The following ADAM32 variants were observed in gnomAD, a reference collection of about 807,000 sequenced individuals.
The protein encoded by ADAM32 is disintegrin and metalloproteinase domain-containing protein 32.
ADAM32 carries 89 observed loss-of-function variants against 114.9 expected under a neutral mutation model. That is an observed-to-expected ratio of 0.77 (90% confidence interval 0.65 to 0.92). ADAM32 has a LOEUF of 0.92. ADAM32 is among the 40% of genes least tolerant of loss of function. The pLI is 0.00. For missense variants in ADAM32, 870 were observed against 932.8 expected (o/e 0.93, Z 0.88); for synonymous variants, 285 against 307.5 (o/e 0.93, Z 0.77).
chr8:39,214,032 G>T (rs1466599916), intron 12 of ADAM32, among the ~76,000 whole-genome samples: 2 of 151,914 alleles, frequency 1.3e-5, no homozygotes. Flanking sequence ...CTTTTTTATG[G>T]GTGAATAGTA....
intron 7 of ADAM32, 78 bp downstream of exon 7, chr8:39,161,043 T>G: frequency 7.8e-7 from 1 of 1,278,858 alleles, no homozygotes; most frequent in Non-Finnish European, 1.1e-6. Flanking sequence ...AGACAGAAAC[T>G]AAAAGATTCC....
At chr8:39,191,678 A>G (rs1806620707) in intron 11 of ADAM32, among the ~76,000 whole-genome samples, 1 of 151,858 alleles carries the variant, frequency 6.6e-6, no homozygotes, top group South Asian at 2.1e-4. Context: ...GTTTGAAAAT[A>G]TTTTCTCCTG....
rs71218314 is a variant in ADAM32 at position 39,160,539 on chromosome 8, C to CA, written c.526-327dup. Among the ~76,000 whole-genome samples, 223 of 68,394 alleles carry CA rather than the reference C, an allele frequency of 3.3e-3. 11 individuals are homozygous for CA. The highest frequency in any genetic ancestry group is 0.013 in the African/African-American group (203 of 15,492). The allele number at this position is 68,394 out of a possible 152,430, so 44.9% of individuals were successfully genotyped here. A position where few individuals can be genotyped will look rare whatever the true frequency, so the allele number is the denominator to read the frequency against. Reference sequence around the variant, plus strand: ...TGGGCGACAGAGCGAGACTCCATCTCAAAAAAAAAAAAAAAAAAAAAAAAA... The same window carrying CA: ...TGGGCGACAGAGCGAGACTCCATCTCAAAAAAAAAAAAAAAAAAAAAAAAAA... On this transcript the variant is annotated intron_variant, in intron 6 of 24. Transcript: ENST00000379907.
chr8:39,173,227 C>T (rs1433995021), intron 10 of ADAM32, among the ~76,000 whole-genome samples: 1 of 152,220 alleles, frequency 6.6e-6, no homozygotes, highest in Admixed American at 6.5e-5. Flanking sequence ...CACTGCACTC[C>T]AGCCTGGGCA....
intron 10 of ADAM32, among the ~76,000 whole-genome samples, chr8:39,185,374 A>AACAC (rs1806169664): frequency 6.6e-6 from 1 of 152,124 alleles, no homozygotes; most frequent in Non-Finnish European, 1.5e-5. Context: ...CAAACAAACA[A>AACAC]AAAAACAGCA....
chr8:39,157,785 G>C (rs1374154979), intron 6 of ADAM32: 5 of 1,343,884 alleles, frequency 3.7e-6, no homozygotes, highest in Non-Finnish European at 5.2e-6. Flanking sequence ...AGTGGACAAA[G>C]CCACCCAGAG....
At chr8:39,208,354 A>G (rs148381791) in intron 11 of ADAM32, among the ~76,000 whole-genome samples, 246 of 152,284 alleles carry the variant, frequency 1.6e-3, no homozygotes, top group African/African-American at 5.7e-3. Context: ...CTAAATTCAC[A>G]TATTTTTATA....
chr8:39,255,803 A>C (rs1006217082), intron 18 of ADAM32, among the ~76,000 whole-genome samples: 1 of 152,008 alleles, frequency 6.6e-6, no homozygotes, highest in Admixed American at 6.6e-5. Context: ...GCTTTGCCTA[A>C]GCCAATGTCT....
chr8:39,172,430 A>C (rs1378878557), intron 10 of ADAM32, among the ~76,000 whole-genome samples: 1 of 152,072 alleles, frequency 6.6e-6, no homozygotes, highest in Non-Finnish European at 1.5e-5. Flanking sequence ...TCAACCTATC[A>C]CTTAAGTATT....
intron 18 of ADAM32, among the ~76,000 whole-genome samples, chr8:39,255,314 G>A (rs1412508360): frequency 5.3e-5 from 7 of 130,972 alleles, no homozygotes; most frequent in East Asian, 3.9e-4. Flanking sequence ...ACTGTTTTTC[G>A]TAGTGGCTGT....
At chr8:39,190,727 C>A (rs949281154) in intron 11 of ADAM32, among the ~76,000 whole-genome samples, 13 of 152,110 alleles carry the variant, frequency 8.5e-5, no homozygotes, top group Admixed American at 7.9e-4. Flanking sequence ...CTGTTCAAAT[C>A]CTTTGCCCAC....
At chr8:39,115,819 C>T (rs1326075432) in intron 1 of ADAM32, among the ~76,000 whole-genome samples, 1 of 152,162 alleles carries the variant, frequency 6.6e-6, no homozygotes, top group Non-Finnish European at 1.5e-5. Flanking sequence ...TTTGCCAAGA[C>T]AAAGATGTCT....
rs1585429142 is a variant in ADAM32, at chr8:39,162,127, A to G, written c.594+1162A>G. Among the ~76,000 whole-genome samples the G allele has an allele frequency of 2.7e-5, 4 of 149,736 alleles. No individual in the cohort carries two copies. In the South Asian group the frequency reaches 8.6e-4, roughly 32 times the overall value. ...CTGCACCCATTAACTCATCATTTACATTAGGTATATCTCCTAATGCTATCC... is the reference window on the plus strand; with the variant it reads ...CTGCACCCATTAACTCATCATTTACGTTAGGTATATCTCCTAATGCTATCC... On this transcript the variant is annotated intron_variant, in intron 7 of 24. Coordinates refer to ENST00000379907, the MANE Select transcript of ADAM32 (RefSeq NM_145004.7).
chr8:39,183,672 C>A (rs1486438753), intron 10 of ADAM32, among the ~76,000 whole-genome samples: 3 of 152,208 alleles, frequency 2.0e-5, no homozygotes, highest in Non-Finnish European at 4.4e-5. Context: ...ATCCTTCCTA[C>A]CTCTCTGGAT....
chr8:39,211,121 A>T, intron 11 of ADAM32, 23 bp from the exon 12 acceptor site: 1 of 1,454,694 alleles, frequency 6.9e-7, no homozygotes, highest in Non-Finnish European at 9.1e-7. Context: ...ACTGCCAATG[A>T]CATTATATGG....
intron 11 of ADAM32, among the ~76,000 whole-genome samples, chr8:39,188,924 A>G (rs1033085136): frequency 6.6e-6 from 1 of 152,192 alleles, no homozygotes; most frequent in Non-Finnish European, 1.5e-5. Flanking sequence ...TTAGTTCTCA[A>G]AGAAAGCATG....
At chr8:39,122,285 A>G (rs1020222504) in intron 2 of ADAM32, among the ~76,000 whole-genome samples, 9 of 152,224 alleles carry the variant, frequency 5.9e-5, no homozygotes, top group African/African-American at 9.6e-5. Context: ...CGCCAAATCC[A>G]TATGTTGAAA....
chr8:39,277,484 A>C (rs1314240426), intron 22 of ADAM32, among the ~76,000 whole-genome samples: 1 of 152,222 alleles, frequency 6.6e-6, no homozygotes, highest in East Asian at 1.9e-4. Flanking sequence ...AGATGGAATG[A>C]ATTCCAGTGA....
intron 2 of ADAM32, among the ~76,000 whole-genome samples, chr8:39,120,551 C>T (rs996540431): frequency 6.6e-5 from 10 of 152,030 alleles, no homozygotes; most frequent in Admixed American, 6.6e-4. Context: ...TACCTGAGGT[C>T]AGGAGTTCAA....
Sources: gnomAD v4.1 joint callset for allele counts (sites outside exome capture counted in the v4.1 genomes callset) on GRCh38, gnomAD v4.1.1 for gene constraint, MANE v1.5 for transcripts, NCBI Gene and HGNC (gene_info 2026-07-23, HGNC 2026-07-21) for gene names.